Variants in FSD1 observed in about 807,000 individuals in gnomAD.
The protein encoded by FSD1 is fibronectin type III and SPRY domain containing 1.
A neutral mutation model predicts 58.2 loss-of-function variants in FSD1; 23 were observed. That is an observed-to-expected ratio of 0.40 (90% CI 0.28 to 0.56). The LOEUF is 0.56. Among genes scored for constraint, FSD1 ranks in the 20% least tolerant of loss-of-function variants. The pLI, the probability that FSD1 is intolerant of heterozygous loss-of-function variation, is 0.54. For missense variants in FSD1, 563 were observed against 670.8 expected, an observed-to-expected ratio of 0.84 and a Z score of 1.78; for synonymous variants, 265 against 263.4, an observed-to-expected ratio of 1.01 and a Z score of -0.06.
intron 3 of FSD1, among the ~76,000 whole-genome samples, chr19:4,306,596 T>C (rs1298200333): frequency 6.6e-6 from 1 of 151,924 alleles, no homozygotes; most frequent in Non-Finnish European, 1.5e-5. Context: ...GCCTCCCAAG[T>C]AGCTGGGATT....
chr19:4,310,861 C>A, intron 6 of FSD1: 1 of 397,708 alleles, frequency 2.5e-6, no homozygotes, highest in Non-Finnish European at 4.7e-6. Flanking sequence ...TGTGAGAATA[C>A]CATGTCCTGT....
At position 4,318,899 on chromosome 19, in the gene FSD1, C is replaced by T. The variant is rs1954621486; in HGVS notation, c.987C>T (p.Pro329=). 6.2e-7 allele frequency: 1 copy of T among 1,613,814 alleles called. No individual in the cohort carries two copies. The highest frequency in any genetic ancestry group is 8.5e-7 in the Non-Finnish European group (1 of 1,179,996). ...ARGTPSPKRM[P]SGRGGRDRFT... is the part of the protein sequence containing the mutation. ...GTACTCCATCTCCCAAGAGGATGCC[C>T]TCAGGTCGTGGGGGACGGGACCGCT... Residue 329 remains proline (P), a synonymous_variant, in exon 10 of 13, where the codon CCC becomes CCT. Coordinates refer to ENST00000221856, the MANE Select transcript of FSD1 (RefSeq NM_024333.3).
chr19:4,313,844 G>A (rs1971723218), intron 7 of FSD1, among the ~76,000 whole-genome samples: 1 of 151,960 alleles, frequency 6.6e-6, no homozygotes, highest in Non-Finnish European at 1.5e-5. Context: ...TGGCCAGCAT[G>A]GTAAAACCCT....
At chr19:4,316,083 C>T (rs932363358) in intron 7 of FSD1, among the ~76,000 whole-genome samples, 1 of 150,166 alleles carries the variant, frequency 6.7e-6, no homozygotes, top group Non-Finnish European at 1.5e-5. Context: ...TTTTGAAAGA[C>T]AGGTTCTTGC....
intron 10 of FSD1, among the ~76,000 whole-genome samples, chr19:4,321,318 T>C (rs1375461918): frequency 3.6e-4 from 29 of 80,678 alleles, no homozygotes; most frequent in African/African-American, 4.8e-4. Context: ...TCTGTGGAAA[T>C]AGCTGGGACT....
intron 3 of FSD1, 133 bp from the exon 4 acceptor site, chr19:4,307,749 G>A: frequency 1.6e-6 from 1 of 623,858 alleles, no homozygotes; most frequent in African/African-American, 1.9e-5. Flanking sequence ...GGCGCTCAAG[G>A]CTCCAATCTC....
At position 4,312,038 on chromosome 19, in the gene FSD1, G is replaced by A. The variant is rs1220498493; in HGVS notation, c.687G>A (p.Glu229=). 3.1e-6 allele frequency: 5 copies of A among 1,607,442 alleles called. No homozygotes were observed. Among genetic ancestry groups the A allele is most frequent in the Non-Finnish European group, 4.2e-6 (5 of 1,179,726 alleles). The stretch of plus-strand genomic sequence containing the variant: ...TCATCGAGGGCATCCGGCAGACAGA[G>A]TACACCCTGACAGGTAAGGGCAGTG... The part of the protein sequence containing the change: ...WMVIEGIRQT[E]YTLTGLKFDM... The change falls in exon 7 of 13, where the codon GAG becomes GAA. Residue 229 remains glutamate (E), a synonymous_variant. Coordinates refer to ENST00000221856, the MANE Select transcript of FSD1 (RefSeq NM_024333.3).
chr19:4,318,353 G>T lies in FSD1; in HGVS notation c.807G>T (p.Met269Ile), dbSNP rs1971777639. 2 of 1,613,816 alleles carry T rather than the reference G, an allele frequency of 1.2e-6. No individual in the cohort carries two copies. Among genetic ancestry groups the T allele is most frequent in the Middle Eastern group, 3.3e-4 (2 of 6,062 alleles). ...ACGTCTGCCCGGCCCCAGCGTTCAT[G>T]TTCCGCCTGGATGCGTCCACATCCC... ...EPVTLETPAF[M>I]FRLDASTSHQ... is the part of the protein sequence containing the mutation. Residue 269 changes from methionine (M) to isoleucine (I), a missense_variant, in exon 9 of 13, where the codon ATG becomes ATT. Physicochemically the swap from Met to Ile is conservative, Grantham distance 10. Coordinates refer to ENST00000221856, the MANE Select transcript of FSD1 (RefSeq NM_024333.3).
In FSD1 at chr19:4,307,929, T is replaced by G. The variant is rs1971640641; in HGVS notation, c.291T>G (p.Leu97=). The G allele has an allele frequency of 1.2e-6, 2 of 1,613,862 alleles. No homozygotes were observed. The highest frequency in any genetic ancestry group is 1.7e-6 in the Non-Finnish European group (2 of 1,179,938). Residue 97 remains leucine (L), a synonymous_variant, in exon 4 of 13, where the codon CTT becomes CTG. Coordinates refer to ENST00000221856, the MANE Select transcript of FSD1 (RefSeq NM_024333.3). The stretch of plus-strand genomic sequence containing the variant: ...GGGCCCTGGAGAGCTCCGAGGAGCT[T>G]CTGGAGACAGCCAACCAGACTCTGC... ...CTRALESSEE[L]LETANQTLQA...
intron 6 of FSD1, chr19:4,311,276 C>T: frequency 6.3e-6 from 1 of 158,082 alleles, no homozygotes; most frequent in Non-Finnish European, 1.4e-5. Context: ...GTCTATGATG[C>T]AGCCCCAAAG....
intron 10 of FSD1, among the ~76,000 whole-genome samples, chr19:4,320,728 T>C (rs1971804452): frequency 6.8e-6 from 1 of 146,750 alleles, no homozygotes; most frequent in Non-Finnish European, 1.5e-5. Flanking sequence ...GCCTGAGGAG[T>C]ATCTGGGGGG....
intron 7 of FSD1, among the ~76,000 whole-genome samples, chr19:4,312,341 AT>A (rs1971702603): frequency 6.6e-6 from 1 of 151,944 alleles, no homozygotes; most frequent in Admixed American, 6.6e-5. Context: ...ATACAAAAAA[AT>A]TAGCCGGGCA....
intron 3 of FSD1, among the ~76,000 whole-genome samples, chr19:4,307,056 T>C (rs1300115072): frequency 6.6e-6 from 1 of 150,480 alleles, no homozygotes; most frequent in African/African-American, 2.4e-5. Context: ...ATGTGAGTTT[T>C]TGGTTTGTTT....
intron 7 of FSD1, among the ~76,000 whole-genome samples, chr19:4,312,302 A>G (rs2144760881): frequency 6.6e-6 from 1 of 151,544 alleles, no homozygotes; most frequent in African/African-American, 2.4e-5. Context: ...CAGCGTGGCC[A>G]ACATGGTGAA....
chr19:4,308,172 G>A (rs1381853955), intron 4 of FSD1, among the ~76,000 whole-genome samples, 189 bp downstream of exon 4: 1 of 152,202 alleles, frequency 6.6e-6, no homozygotes, highest in Non-Finnish European at 1.5e-5. Flanking sequence ...ACTTTGGGAG[G>A]CTGAGGCAGT....
chr19:4,305,994 A>C lies in FSD1; in HGVS notation c.64A>C (p.Ile22Leu), dbSNP rs763638807. 5 of 1,614,144 alleles carry C rather than the reference A, an allele frequency of 3.1e-6. No individual in the cohort carries two copies. The East Asian group carries it at 8.9e-5, about 29-fold the overall frequency. ...AACACTGGCTGTGAAGAATGAAGAAATTCAGAGCTTTATCTACTCCCTGAA... is the reference window on the plus strand; with the variant it reads ...AACACTGGCTGTGAAGAATGAAGAACTTCAGAGCTTTATCTACTCCCTGAA... Reference protein sequence around the residue: ...IKTLAVKNEEIQSFIYSLKQM... With the variant: ...IKTLAVKNEELQSFIYSLKQM... The change falls in exon 2 of 13, where the codon ATT (isoleucine) becomes CTT (leucine). Residue 22 changes from isoleucine to leucine, a missense_variant. Transcript: ENST00000221856.
In FSD1 at chr19:4,305,915, C is replaced by T. The variant is rs542801699; in HGVS notation, c.16-31C>T. On this transcript the variant is annotated intron_variant, in intron 1 of 12. Transcript: ENST00000221856. The stretch of plus-strand genomic sequence containing the variant: ...CTGTGTGCGCACATGTGTGTGTGCA[C>T]CTGTGTGTGTCCACACTTCTGGTGG... The T allele has an allele frequency of 3.3e-5, 51 of 1,538,112 alleles. No individual in the cohort carries two copies. In the East Asian group the frequency reaches 1.1e-3, roughly 35 times the overall value.
At chr19:4,306,460 T>G in intron 3 of FSD1, 131 bp downstream of exon 3, 1 of 787,768 alleles carries the variant, frequency 1.3e-6, no homozygotes, top group South Asian at 1.8e-5. Flanking sequence ...TCCATCCACC[T>G]GTACACTCTC....
At position 4,323,370 on chromosome 19, in the gene FSD1, C is replaced by A; in HGVS notation, c.1314C>A (p.Ala438=). Residue 438 remains alanine, a synonymous_variant, in exon 12 of 13, where the codon GCC becomes GCA. Coordinates refer to ENST00000221856, the MANE Select transcript of FSD1 (RefSeq NM_024333.3). This position sits in a 1 kb window ranked among gnomAD's most constrained non-coding sequence, Gnocchi z 7.7. The part of the protein sequence containing the change: ...FHQGLLSFYN[A]RTKQVLHTFK... ...CAGGCCTCCTGTCCTTCTACAATGC[C>A]CGCACCAAACAAGTGCTGCACACTT... 1 of 1,613,898 alleles carries A rather than the reference C, an allele frequency of 6.2e-7. No individual in the cohort carries two copies. The highest frequency in any genetic ancestry group is 8.5e-7 in the Non-Finnish European group (1 of 1,179,864).
Sources: gnomAD v4.1 joint callset for allele counts (sites outside exome capture counted in the v4.1 genomes callset) on GRCh38, gnomAD v4.1.1 for gene constraint, Gnocchi (gnomAD v3.1) non-coding constraint, MANE v1.5 for transcripts, NCBI Gene and HGNC (gene_info 2026-07-23, HGNC 2026-07-21) for gene names.